Variants in THSD4 observed in about 807,000 individuals in gnomAD.
THSD4 encodes thrombospondin type-1 domain-containing protein 4.
Under a neutral mutation model 119.0 loss-of-function variants are expected in THSD4, and 69 were observed. The ratio of observed to expected loss-of-function variants is 0.58; its 90% CI spans 0.48 to 0.71. The LOEUF is 0.71. Ranked by LOEUF, THSD4 falls within the 30% of genes least tolerant of loss-of-function variation. THSD4 has a pLI of 0.00. For synonymous variants in THSD4, 524 were observed against 540.4 expected (o/e 0.97, Z 0.42); for missense variants, 1,393 against 1,391.1 (o/e 1.00, Z -0.02).
intron 7 of THSD4, among the ~76,000 whole-genome samples, chr15:71,630,570 T>G (rs796697046): frequency 6.6e-6 from 1 of 152,138 alleles, no homozygotes; most frequent in East Asian, 1.9e-4. Flanking sequence ...AGAAAGGTTT[T>G]TCCCCATCTA....
At chr15:71,406,366 G>A (rs2140493059) in intron 6 of THSD4, among the ~76,000 whole-genome samples, 1 of 152,214 alleles carries the variant, frequency 6.6e-6, no homozygotes, top group Non-Finnish European at 1.5e-5. Context: ...AGCTAGCTGA[G>A]TCTAATTGCC....
At chr15:71,189,094 C>G (rs1596258036) in intron 3 of THSD4, 3 of 152,270 alleles carry the variant, frequency 2.0e-5, no homozygotes, top group Admixed American at 2.0e-4. Context: ...GCTGCTCTTA[C>G]TCCGTGGTTG....
chr15:71,383,106 C>G (rs2046248133), intron 6 of THSD4, among the ~76,000 whole-genome samples: 1 of 152,100 alleles, frequency 6.6e-6, no homozygotes. Flanking sequence ...TAAGTGATTT[C>G]TAGTTTGCTT....
At chr15:71,313,158 ATTT>A (rs2045135962) in intron 6 of THSD4, among the ~76,000 whole-genome samples, 1 of 152,120 alleles carries the variant, frequency 6.6e-6, no homozygotes, top group Non-Finnish European at 1.5e-5. Context: ...ATGGATATTT[ATTT>A]TATACTTTGG....
rs534723260 is a variant in THSD4, at chr15:71,578,838, C to CATT, written c.1153-81690_1153-81688dup. ...ATTTGACTTGGGGGACTCTGGACTG[C>CATT]ATTAACTTTTTTTTTTTTTTTTTGA... is the stretch of plus-strand genomic sequence containing the variant. On this transcript the variant is annotated intron_variant, in intron 7 of 17. Transcript: ENST00000261862. Among the ~76,000 whole-genome samples the CATT allele has an allele frequency of 1.9e-3, 259 of 135,432 alleles. 15 individuals carry two copies. The South Asian group carries it at 0.06, about 32-fold the overall frequency. 88.8% of individuals were successfully genotyped at this position (135,432 alleles called of 152,430 possible). A position where few individuals can be genotyped will look rare whatever the true frequency, so the allele number is the denominator to read the frequency against.
chr15:71,703,444 C>T (rs1595876793), intron 8 of THSD4, among the ~76,000 whole-genome samples: 1 of 152,216 alleles, frequency 6.6e-6, no homozygotes, highest in African/African-American at 2.4e-5. Context: ...ATGTCATTTG[C>T]TCAGCTGTCC....
chr15:71,575,848 TTGTC>T (rs2049438798), intron 7 of THSD4, among the ~76,000 whole-genome samples: 3 of 152,250 alleles, frequency 2.0e-5, no homozygotes, highest in South Asian at 4.1e-4. Context: ...AGTTAGAAAG[TTGTC>T]TGTCTGTGGG....
intron 3 of THSD4, among the ~76,000 whole-genome samples, chr15:71,180,165 A>T (rs1479974544): frequency 2.6e-4 from 7 of 26,438 alleles, no homozygotes; most frequent in Middle Eastern, 0.025. Flanking sequence ...TTAAAAAAAA[A>T]AAAAATAAAA....
intron 6 of THSD4, among the ~76,000 whole-genome samples, chr15:71,280,135 G>A (rs535069584): frequency 1.2e-4 from 18 of 152,304 alleles, no homozygotes; most frequent in African/African-American, 4.3e-4. Flanking sequence ...GGGTGTTCCA[G>A]GCAGAGGGAA....
intron 6 of THSD4, among the ~76,000 whole-genome samples, chr15:71,356,152 G>T (rs537645201): frequency 6.6e-6 from 1 of 152,284 alleles, no homozygotes; most frequent in South Asian, 2.1e-4. Flanking sequence ...ACAGGAGTGA[G>T]CCACCATGCC....
At chr15:71,153,797 T>G (rs2040749521) in intron 2 of THSD4, among the ~76,000 whole-genome samples, 1 of 152,238 alleles carries the variant, frequency 6.6e-6, no homozygotes, top group African/African-American at 2.4e-5. Flanking sequence ...AAATACGATT[T>G]GACAAATGGT....
intron 7 of THSD4, among the ~76,000 whole-genome samples, chr15:71,422,083 C>T (rs1466152777): frequency 1.3e-5 from 2 of 152,178 alleles, no homozygotes; most frequent in African/African-American, 4.8e-5. Context: ...TGCTGAGTTT[C>T]CTCAAGACAG....
chr15:71,649,705 T>C (rs577284361), intron 7 of THSD4, among the ~76,000 whole-genome samples: 5 of 152,360 alleles, frequency 3.3e-5, no homozygotes, highest in African/African-American at 1.2e-4. Context: ...TGGTGTTACA[T>C]AGGTTGTCTT....
intron 7 of THSD4, among the ~76,000 whole-genome samples, chr15:71,649,413 T>A (rs1448455774): frequency 6.6e-6 from 1 of 152,160 alleles, no homozygotes; most frequent in Non-Finnish European, 1.5e-5. Context: ...TAGCTGGGAT[T>A]ACAGGTGCCC....
intron 7 of THSD4, among the ~76,000 whole-genome samples, chr15:71,621,496 G>GA (rs1012355747): frequency 3.3e-5 from 5 of 150,484 alleles, no homozygotes; most frequent in African/African-American, 4.9e-5. Flanking sequence ...GCATTTTGGA[G>GA]AAAAAAAAAG....
chr15:71,460,033 A>T (rs945261698), intron 7 of THSD4, among the ~76,000 whole-genome samples: 15 of 152,070 alleles, frequency 9.9e-5, no homozygotes, highest in African/African-American at 3.6e-4. Flanking sequence ...TGGCCACACT[A>T]ATGTCTATCC....
At chr15:71,132,097 A>G (rs28435483) in intron 1 of THSD4, among the ~76,000 whole-genome samples, 2,817 of 152,306 alleles carry the variant, frequency 0.018, 86 homozygotes, top group African/African-American at 0.064. Flanking sequence ...CAATCATAGC[A>G]TTATTGGCAA....
chr15:71,148,332 A>C (rs577974522), intron 2 of THSD4, among the ~76,000 whole-genome samples: 2 of 152,310 alleles, frequency 1.3e-5, no homozygotes, highest in South Asian at 4.1e-4. Flanking sequence ...CTAAGTGCCA[A>C]CCAGATTCAG....
chr15:71,562,154 C>T (rs1595886904), intron 7 of THSD4, among the ~76,000 whole-genome samples: 2 of 152,208 alleles, frequency 1.3e-5, no homozygotes, highest in Non-Finnish European at 2.9e-5. Flanking sequence ...AATCTTCACA[C>T]ACCCAGTTGT....
Sources: gnomAD v4.1 joint callset for allele counts (sites outside exome capture counted in the v4.1 genomes callset) on GRCh38, gnomAD v4.1.1 for gene constraint, MANE v1.5 for transcripts, NCBI Gene and HGNC (gene_info 2026-07-23, HGNC 2026-07-21) for gene names.